The following TTLL11 variants were observed in gnomAD, a reference collection of about 807,000 sequenced individuals.
TTLL11 encodes tubulin tyrosine ligase like 11.
TTLL11 carries 42 observed loss-of-function variants against 51.7 expected under a neutral mutation model. That is an observed-to-expected ratio of 0.81 (90% confidence interval 0.64 to 1.05). The LOEUF (loss-of-function observed/expected upper bound fraction) is 1.05. Among genes scored for constraint, TTLL11 ranks in the 50% least tolerant of loss-of-function variants. TTLL11 has a pLI of 0.00. For synonymous variants in TTLL11, 381 were observed against 383.5 expected (o/e 0.99, Z 0.08); for missense variants, 799 against 940.4 (o/e 0.85, Z 1.97).
intron 6 of TTLL11, among the ~76,000 whole-genome samples, chr9:121,894,835 C>T (rs1839390369): frequency 6.6e-6 from 1 of 152,150 alleles, no homozygotes; most frequent in African/African-American, 2.4e-5. Flanking sequence ...CACCATGGCA[C>T]ATTGTATACC....
Position 121,818,650 on chromosome 9 carries a change from C to G in TTLL11, c.*3937G>C, listed in dbSNP as rs1473975237. Reference sequence around the variant, plus strand: ...TGTTTGGGGGATTGCAGCGGGGACACTGGAACTGAACCTTGAAAGTCTGTT... The same window carrying G: ...TGTTTGGGGGATTGCAGCGGGGACAGTGGAACTGAACCTTGAAAGTCTGTT... On this transcript the variant is annotated 3_prime_UTR_variant, in exon 9 of 9. Transcript: ENST00000321582. The G allele has an allele frequency of 6.6e-6, 1 of 152,372 alleles. No individual in the cohort carries two copies. Among genetic ancestry groups the G allele is most frequent in the Non-Finnish European group, 1.5e-5 (1 of 68,162 alleles). The allele number at this position is 152,372 out of a possible 1,614,324, so 9.4% of individuals were successfully genotyped here. A position where few individuals can be genotyped will look rare whatever the true frequency, so the allele number is the denominator to read the frequency against.
At chr9:121,927,814 A>G (rs151245196) in intron 6 of TTLL11, among the ~76,000 whole-genome samples, 4 of 152,314 alleles carry the variant, frequency 2.6e-5, no homozygotes, top group Non-Finnish European at 5.9e-5. Flanking sequence ...TCAGTATCAT[A>G]GCACAGATCA....
At chr9:121,827,820 G>A (rs77094745) in intron 8 of TTLL11, among the ~76,000 whole-genome samples, 4,027 of 152,238 alleles carry the variant, frequency 0.026, 117 homozygotes, top group African/African-American at 0.067. Flanking sequence ...GGGATTGGGC[G>A]GGGAGGAGGA....
In TTLL11 at chr9:121,869,571, C is replaced by T. The variant is rs76702923; in HGVS notation, c.1733+926G>A. ...ATACTTAGTGGGAACCTTCTTTGAT[C>T]GAGACTCTGTGTAGGACCATATATA... On this transcript the variant is annotated intron_variant, in intron 7 of 8. Transcript: ENST00000321582. Among the ~76,000 whole-genome samples, 770 of 152,158 alleles carry T rather than the reference C, an allele frequency of 5.1e-3. 8 individuals are homozygous for T. Among genetic ancestry groups the T allele is most frequent in the African/African-American group, 0.018 (739 of 41,492 alleles).
At chr9:121,862,819 A>T (rs879275765) in intron 7 of TTLL11, among the ~76,000 whole-genome samples, 7 of 152,234 alleles carry the variant, frequency 4.6e-5, no homozygotes, top group Non-Finnish European at 1.0e-4. Flanking sequence ...CTAATGGTGA[A>T]GTGGCTCTTT....
chr9:122,037,631 T>C (rs912013180), intron 2 of TTLL11, among the ~76,000 whole-genome samples: 2 of 152,194 alleles, frequency 1.3e-5, no homozygotes, highest in African/African-American at 2.4e-5. Flanking sequence ...TTCTAAAAGA[T>C]ACTGGATTCT....
chr9:121,937,398 C>T (rs542553132), intron 6 of TTLL11, among the ~76,000 whole-genome samples: 2 of 152,176 alleles, frequency 1.3e-5, no homozygotes, highest in Non-Finnish European at 2.9e-5. Context: ...CTTACAGTGA[C>T]ATAGTTAATA....
At chr9:121,834,961 T>C (rs140525891) in intron 8 of TTLL11, among the ~76,000 whole-genome samples, 1 of 152,316 alleles carries the variant, frequency 6.6e-6, no homozygotes, top group Non-Finnish European at 1.5e-5. Context: ...TTGGCCAATT[T>C]CTTTTCACCC....
At chr9:121,946,458 G>A (rs1267589556) in intron 6 of TTLL11, among the ~76,000 whole-genome samples, 4 of 152,226 alleles carry the variant, frequency 2.6e-5, no homozygotes, top group African/African-American at 9.6e-5. Context: ...GGCAAAGCAG[G>A]TGGGGCTTAC....
chr9:122,046,101 C>T (rs1358236444), intron 1 of TTLL11, among the ~76,000 whole-genome samples: 1 of 152,102 alleles, frequency 6.6e-6, no homozygotes, highest in Non-Finnish European at 1.5e-5. Flanking sequence ...TCTACTTAAG[C>T]CCCCTGATAG....
At chr9:121,962,143 T>A (rs181773576) in intron 6 of TTLL11, among the ~76,000 whole-genome samples, 2 of 152,358 alleles carry the variant, frequency 1.3e-5, no homozygotes, top group Non-Finnish European at 2.9e-5. Flanking sequence ...GATTATACTA[T>A]TTTTATTAAG....
At chr9:121,976,563 C>T (rs1842716448) in intron 4 of TTLL11, among the ~76,000 whole-genome samples, 1 of 152,158 alleles carries the variant, frequency 6.6e-6, no homozygotes, top group Non-Finnish European at 1.5e-5. Context: ...GGGTTGTAGA[C>T]TCCCCTTCTC....
intron 6 of TTLL11, among the ~76,000 whole-genome samples, chr9:121,904,216 C>T (rs997259030): frequency 1.3e-5 from 2 of 148,628 alleles, no homozygotes; most frequent in African/African-American, 5.0e-5. Flanking sequence ...CTCGCTCTAT[C>T]GCCAGGCTGG....
intron 1 of TTLL11, among the ~76,000 whole-genome samples, chr9:122,048,509 T>C (rs918611315): frequency 2.0e-5 from 3 of 152,082 alleles, no homozygotes. Context: ...TATTGCTCCT[T>C]TGCTACAACT....
chr9:122,008,726 T>C (rs1297161252), intron 3 of TTLL11, among the ~76,000 whole-genome samples: 2 of 152,246 alleles, frequency 1.3e-5, no homozygotes, highest in Admixed American at 6.5e-5. Flanking sequence ...ACCAATATGT[T>C]GAAGAGAGAT....
chr9:122,054,553 A>C (rs1161353597), intron 1 of TTLL11, among the ~76,000 whole-genome samples: 1 of 152,226 alleles, frequency 6.6e-6, no homozygotes, highest in East Asian at 1.9e-4. Context: ...CGAATTTAGC[A>C]CTATGTTCTT....
At chr9:122,063,400 A>G (rs1845489508) in intron 1 of TTLL11, among the ~76,000 whole-genome samples, 1 of 152,200 alleles carries the variant, frequency 6.6e-6, no homozygotes. Flanking sequence ...TTCAAAACAT[A>G]TCAGTGAAAA....
chr9:122,087,537 AG>A (rs1846156661), intron 1 of TTLL11, among the ~76,000 whole-genome samples: 1 of 152,232 alleles, frequency 6.6e-6, no homozygotes, highest in South Asian at 2.1e-4. Context: ...AATAGATCTC[AG>A]GACAGGGGCT....
intron 3 of TTLL11, among the ~76,000 whole-genome samples, chr9:121,991,881 G>A (rs922703823): frequency 6.6e-6 from 1 of 152,188 alleles, no homozygotes; most frequent in Non-Finnish European, 1.5e-5. Context: ...GAGAGGTGAC[G>A]TGACTTCCCT....
Sources: gnomAD v4.1 joint callset for allele counts (sites outside exome capture counted in the v4.1 genomes callset) on GRCh38, gnomAD v4.1.1 for gene constraint, MANE v1.5 for transcripts, NCBI Gene and HGNC (gene_info 2026-07-23, HGNC 2026-07-21) for gene names.